TMEM42: variants seen among roughly 807,000 people sequenced by gnomAD.
TMEM42 encodes transmembrane protein 42.
In TMEM42, 8 loss-of-function variants were observed where a neutral mutation model predicts 14.0. The observed-to-expected ratio is 0.57, with a 90% CI of 0.34 to 1.03. TMEM42 has a LOEUF of 1.03. TMEM42 is among the 50% of genes least tolerant of loss of function. The pLI is 0.03. For missense variants in TMEM42, 211 were observed against 219.8 expected (o/e 0.96, Z 0.25); for synonymous variants, 115 against 94.3 (o/e 1.22, Z -1.27).
chr3:44,863,326 C>T (rs1242391431), intron 1 of TMEM42: 13 of 144,728 alleles, frequency 9.0e-5, no homozygotes, highest in African/African-American at 3.3e-4. Context: ...GCCTTGTCTC[C>T]AGGCAGGTTT....
rs943646894 is a variant in TMEM42, at chr3:44,862,003, C to T, written c.79C>T (p.His27Tyr). The change falls in exon 1 of 3, where the codon CAC (histidine) becomes TAC (tyrosine). Residue 27 changes from histidine to tyrosine, a missense_variant. By Grantham distance (83) the His-to-Tyr change is moderately conservative (BLOSUM62 2). Transcript: ENST00000302392. ...YPDTPAEFPP[H>Y]LQAGAMRRRF... is the part of the protein sequence containing the mutation. ...TGACACCCCCGCGGAATTCCCTCCG[C>T]ACCTCCAGGCGGGTGCGATGCGGCG... is the stretch of plus-strand genomic sequence containing the variant. 7.2e-7 allele frequency: 1 copy of T among 1,384,562 alleles called. No homozygotes were observed. The allele number at this position is 1,384,562 out of a possible 1,614,324, so 85.8% of individuals were successfully genotyped here. A position where few individuals can be genotyped will look rare whatever the true frequency, so the allele number is the denominator to read the frequency against.
At chr3:44,864,446 T>C (rs528393202) in intron 2 of TMEM42, 103 bp downstream of exon 2, 2 of 1,465,674 alleles carry the variant, frequency 1.4e-6, no homozygotes, top group African/African-American at 1.4e-5. Context: ...GGACAGGAAC[T>C]GAAGCAGAGG....
At position 44,861,975 on chromosome 3, in the gene TMEM42, C is replaced by G; in HGVS notation, c.51C>G (p.Tyr17Ter). 5.0e-6 allele frequency: 7 copies of G among 1,388,172 alleles called. No individual in the cohort carries two copies. The highest frequency in any genetic ancestry group is 6.5e-6 in the Non-Finnish European group (7 of 1,071,700). The allele number at this position is 1,388,172 out of a possible 1,614,324, so 86.0% of individuals were successfully genotyped here. Residue 17 changes from tyrosine (Y) to a stop codon, truncating the protein, a stop_gained, in exon 1 of 3, where the codon TAC becomes TAG. Coordinates refer to ENST00000302392, the MANE Select transcript of TMEM42 (RefSeq NM_144638.3). LOFTEE classifies it high-confidence loss of function. Reference protein sequence around the residue: ...PPGGAVSATAYPDTPAEFPPH... With the variant: ...PPGGAVSATA ...GCGGCGCCGTGTCCGCGACCGCGTA[C>G]CCTGACACCCCCGCGGAATTCCCTC...
chr3:44,862,613 T>C (rs559690039), intron 1 of TMEM42: 2 of 152,394 alleles, frequency 1.3e-5, no homozygotes, highest in South Asian at 4.1e-4. Context: ...CCAGGAAAAT[T>C]GGGAGTTTGG....
intron 1 of TMEM42, chr3:44,863,606 C>T (rs1699288124): frequency 6.6e-6 from 1 of 152,648 alleles, no homozygotes; most frequent in African/African-American, 2.4e-5. Flanking sequence ...ACTTAATGCC[C>T]CTGGCTCTTT....
chr3:44,863,586 T>C (rs1043613323), intron 1 of TMEM42: 4 of 152,576 alleles, frequency 2.6e-5, no homozygotes, highest in African/African-American at 9.7e-5. Context: ...TGTAGCACTT[T>C]AGGAAGGTTA....
intron 1 of TMEM42, chr3:44,863,899 C>T (rs1278345547): frequency 2.8e-5 from 11 of 389,870 alleles, no homozygotes; most frequent in South Asian, 1.5e-4. Context: ...AATAAGGGGC[C>T]GGTGTTCAGT....
chr3:44,863,851 T>G (rs535562965), intron 1 of TMEM42: 202 of 282,624 alleles, frequency 7.1e-4, no homozygotes, highest in African/African-American at 3.9e-3. Context: ...TACTTGGCCC[T>G]CTGGGACTGA....
Position 44,861,948 on chromosome 3 carries a change from G to A in TMEM42, c.24G>A (p.Pro8=), listed in dbSNP as rs756104560. The change falls in exon 1 of 3, where the codon CCG becomes CCA. Residue 8 remains proline, a synonymous_variant. Coordinates refer to ENST00000302392, the MANE Select transcript of TMEM42 (RefSeq NM_144638.3). Reference sequence around the variant, plus strand: ...ACATGGCCGAGAGGCCGGGGCCTCCGGGCGGCGCCGTGTCCGCGACCGCGT... The same window carrying A: ...ACATGGCCGAGAGGCCGGGGCCTCCAGGCGGCGCCGTGTCCGCGACCGCGT... MAERPGP[P]GGAVSATAYP... is the part of the protein sequence containing the mutation. 2 of 1,408,188 alleles carry A rather than the reference G, an allele frequency of 1.4e-6. No homozygotes were observed. The highest frequency in any genetic ancestry group is 1.8e-6 in the Non-Finnish European group (2 of 1,083,846). 87.2% of individuals were successfully genotyped at this position (1,408,188 alleles called of 1,614,324 possible).
chr3:44,864,960 A>T, intron 2 of TMEM42, 80 bp from the exon 3 acceptor site: 1 of 1,577,118 alleles, frequency 6.3e-7, no homozygotes. Flanking sequence ...TGGCACCCTT[A>T]GAAGGAAGTC....
intron 1 of TMEM42, chr3:44,863,197 T>G (rs1221589951): frequency 4.0e-5 from 6 of 151,210 alleles, no homozygotes; most frequent in African/African-American, 1.5e-4. Context: ...GCCAAAAAAT[T>G]GAACACCCTG....
At chr3:44,862,531 A>G (rs1231487329) in intron 1 of TMEM42, 1 of 152,592 alleles carries the variant, frequency 6.6e-6, no homozygotes, top group African/African-American at 2.4e-5. Flanking sequence ...TCTTAAGGTG[A>G]GAAGCCTCTT....
intron 1 of TMEM42, 24 bp from the exon 2 acceptor site, chr3:44,864,173 C>T: frequency 1.2e-6 from 2 of 1,612,862 alleles, no homozygotes; most frequent in Middle Eastern, 1.9e-4. Context: ...GTGGACGTGG[C>T]TGCAGTGACA....
At chr3:44,863,852 C>T (rs988218182) in intron 1 of TMEM42, 1 of 284,328 alleles carries the variant, frequency 3.5e-6, no homozygotes, top group Non-Finnish European at 6.8e-6. Context: ...ACTTGGCCCT[C>T]TGGGACTGAT....
Position 44,862,108 on chromosome 3 carries a change from G to A in TMEM42, c.184G>A (p.Gly62Ser), listed in dbSNP as rs1699261315. 7.9e-7 allele frequency: 1 copy of A among 1,272,778 alleles called. No individual in the cohort carries two copies. 78.8% of individuals were successfully genotyped at this position (1,272,778 alleles called of 1,614,324 possible). The change falls in exon 1 of 3, where the codon GGC becomes AGC. Residue 62 changes from glycine (G) to serine (S), a missense_variant. Physicochemically the swap from Gly to Ser is moderately conservative, Grantham distance 56. Transcript: ENST00000302392. ...CGCCGCCTCCGCCAAGCTGGCCTTC[G>A]GCAGCGAGGTCGAGCCCGGGGCGCT... ...LAAASAKLAF[G>S]SEVSMGLCVL...
Position 44,863,962 on chromosome 3 carries a change from C to A in TMEM42, c.193-235C>A. 4 of 535,170 alleles carry A rather than the reference C, an allele frequency of 7.5e-6. No individual in the cohort carries two copies. The South Asian group carries it at 1.1e-4, about 14-fold the overall frequency. 33.2% of individuals were successfully genotyped at this position (535,170 alleles called of 1,614,324 possible). On this transcript the variant is annotated intron_variant, in intron 1 of 2. Transcript: ENST00000302392. ...TTGCTTCTTCCCAAGATCATATGGC[C>A]AGCAAGGTGGCCAAATGAGTATCTT... is the stretch of plus-strand genomic sequence containing the variant.
rs768367625 is a variant in TMEM42, at chr3:44,864,329, A to G, written c.325A>G (p.Asn109Asp). The change falls in exon 2 of 3, where the codon AAT (asparagine) becomes GAT (aspartate). Residue 109 changes from asparagine (N) to aspartate (D), a missense_variant. Coordinates refer to ENST00000302392, the MANE Select transcript of TMEM42 (RefSeq NM_144638.3). ...TGCATCTGTCACAGTGACTTTTTCA[A>G]ATATCCTCAGCTCGGTGAGTAGCCT... The part of the protein sequence containing the change: ...AIASVTVTFS[N>D]ILSSAFLGYV... 9 of 1,614,048 alleles carry G rather than the reference A, an allele frequency of 5.6e-6. No homozygotes were observed. Among genetic ancestry groups the G allele is most frequent in the South Asian group, 2.2e-5 (2 of 91,072 alleles).
chr3:44,865,117 A>G lies in TMEM42; in HGVS notation c.417A>G (p.Gly139=). Residue 139 remains glycine, a synonymous_variant, in exon 3 of 3, where the codon GGA becomes GGG. Coordinates refer to ENST00000302392, the MANE Select transcript of TMEM42 (RefSeq NM_144638.3). The stretch of plus-strand genomic sequence containing the variant: ...GAGGAGTGTTCCTTATTCTCTGCGG[A>G]CTCACCCTAATCCACAGGAAGCTCC... ...WWGGVFLILC[G]LTLIHRKLPP... is the part of the protein sequence containing the mutation. 3 of 1,613,698 alleles carry G rather than the reference A, an allele frequency of 1.9e-6. No homozygotes were observed. Among genetic ancestry groups the G allele is most frequent in the Non-Finnish European group, 2.5e-6 (3 of 1,179,918 alleles).
chr3:44,862,537 C>T (rs1197786520), intron 1 of TMEM42: 1 of 152,612 alleles, frequency 6.6e-6, no homozygotes, highest in Non-Finnish European at 1.5e-5. Flanking sequence ...GGTGAGAAGC[C>T]TCTTGCCCAT....
Sources: allele counts gnomAD v4.1 joint callset, GRCh38; gene constraint gnomAD v4.1.1; transcripts MANE v1.5; gene names NCBI Gene and HGNC (gene_info 2026-07-23, HGNC 2026-07-21).